KHDRBS2: variants seen among roughly 807,000 people sequenced by gnomAD.
KHDRBS2 encodes the protein KH RNA binding domain containing, signal transduction associated 2.
KHDRBS2 carries 26 observed loss-of-function variants against 44.3 expected under a neutral mutation model. That is an observed-to-expected ratio of 0.59 (90% CI 0.43 to 0.81). KHDRBS2 has a LOEUF of 0.81. KHDRBS2 is among the 40% of genes least tolerant of loss of function. The pLI, the probability that KHDRBS2 is intolerant of heterozygous loss-of-function variation, is 0.00. For missense variants in KHDRBS2, 476 were observed against 433.1 expected, an observed-to-expected ratio of 1.10 and a Z score of -0.88; for synonymous variants, 194 against 151.1, an observed-to-expected ratio of 1.28 and a Z score of -2.08.
chr6:62,282,546 G>A (rs1276526066), intron 1 of KHDRBS2, among the ~76,000 whole-genome samples: 1 of 152,062 alleles, frequency 6.6e-6, no homozygotes, highest in East Asian at 1.9e-4. Context: ...ACAGATCTAT[G>A]TCTGTCAGCA....
chr6:62,035,008 T>A (rs984309793), intron 3 of KHDRBS2, among the ~76,000 whole-genome samples: 1 of 151,958 alleles, frequency 6.6e-6, no homozygotes, highest in East Asian at 1.9e-4. Context: ...AGCAAGGATG[T>A]GGAGAAAAGG....
intron 1 of KHDRBS2, among the ~76,000 whole-genome samples, chr6:62,256,478 G>A (rs1198853153): frequency 2.0e-5 from 3 of 151,890 alleles, no homozygotes; most frequent in Non-Finnish European, 4.4e-5. Context: ...GGTTTTATAA[G>A]GGGGAGCTTC....
Position 61,955,644 on chromosome 6 carries a change from A to G in KHDRBS2, c.483+22422T>C, listed in dbSNP as rs544346515. Among the ~76,000 whole-genome samples the G allele has an allele frequency of 2.8e-3, 410 of 146,110 alleles. 33 individuals are homozygous for G. The highest frequency in any genetic ancestry group is 5.0e-3 in the Non-Finnish European group (332 of 65,960). Reference sequence around the variant, plus strand: ...TATGCATACATGTGTATATACACGTATGTATGTATGCATATATGTGTATAT... The same window carrying G: ...TATGCATACATGTGTATATACACGTGTGTATGTATGCATATATGTGTATAT... On this transcript the variant is annotated intron_variant, in intron 4 of 8. Coordinates refer to ENST00000281156, the MANE Select transcript of KHDRBS2 (RefSeq NM_152688.4).
chr6:62,075,663 A>G (rs1796183849), intron 2 of KHDRBS2, among the ~76,000 whole-genome samples: 1 of 151,884 alleles, frequency 6.6e-6, no homozygotes, highest in Non-Finnish European at 1.5e-5. Flanking sequence ...TAGCTGGCAT[A>G]AGTTTTTTGG....
At chr6:61,561,762 C>A in the KHDRBS2 span, among the ~76,000 whole-genome samples, 27 of 152,172 alleles carry the variant, frequency 1.8e-4, no homozygotes, top group Non-Finnish European at 3.4e-4. Flanking sequence ...CTCTCTGGCC[C>A]AGGATAGGTC....
At chr6:62,123,557 G>A (rs1418186481) in intron 2 of KHDRBS2, among the ~76,000 whole-genome samples, 1 of 152,148 alleles carries the variant, frequency 6.6e-6, no homozygotes, top group Non-Finnish European at 1.5e-5. Flanking sequence ...CCTGCCTACT[G>A]TTTTGTAAAT....
chr6:61,565,058 C>T, the KHDRBS2 span, among the ~76,000 whole-genome samples: 1 of 151,922 alleles, frequency 6.6e-6, no homozygotes, highest in African/African-American at 2.4e-5. Flanking sequence ...CAAGAACACA[C>T]ATTAAGGGAA....
At chr6:62,179,950 T>C (rs1821917419) in intron 1 of KHDRBS2, among the ~76,000 whole-genome samples, 1 of 151,878 alleles carries the variant, frequency 6.6e-6, no homozygotes. Context: ...TACTTGTATT[T>C]GTCAAATGCA....
intron 3 of KHDRBS2, among the ~76,000 whole-genome samples, chr6:61,980,860 G>C: frequency 6.6e-6 from 1 of 152,128 alleles, no homozygotes; most frequent in East Asian, 1.9e-4. Context: ...CCAGCTTATA[G>C]GGACTGCACA....
the KHDRBS2 span, among the ~76,000 whole-genome samples, chr6:61,567,192 C>G: frequency 6.6e-6 from 1 of 152,054 alleles, no homozygotes; most frequent in Non-Finnish European, 1.5e-5. Context: ...AAAGATATTT[C>G]TGGGTTGTGG....
At chr6:61,624,799 G>A in the KHDRBS2 span, among the ~76,000 whole-genome samples, 1 of 152,058 alleles carries the variant, frequency 6.6e-6, no homozygotes, top group African/African-American at 2.4e-5. Flanking sequence ...AGGCTATATG[G>A]ACCCAAGAAC....
the KHDRBS2 span, among the ~76,000 whole-genome samples, chr6:61,650,177 T>G: frequency 6.6e-6 from 1 of 152,154 alleles, no homozygotes; most frequent in Non-Finnish European, 1.5e-5. Context: ...GTTGCTTAAA[T>G]GTCACTTCCT....
intron 2 of KHDRBS2, among the ~76,000 whole-genome samples, chr6:62,101,311 C>A (rs1226843189): frequency 2.0e-5 from 3 of 152,168 alleles, no homozygotes; most frequent in East Asian, 1.9e-4. Flanking sequence ...GTGGATGCTG[C>A]AAACTCAAAG....
the KHDRBS2 span, among the ~76,000 whole-genome samples, chr6:61,674,255 G>A: frequency 6.6e-6 from 1 of 151,716 alleles, no homozygotes; most frequent in Non-Finnish European, 1.5e-5. Context: ...AAGATGTTTT[G>A]TCATATCATT....
intron 1 of KHDRBS2, among the ~76,000 whole-genome samples, chr6:62,228,270 G>A (rs1206428725): frequency 6.6e-6 from 1 of 152,054 alleles, no homozygotes; most frequent in Non-Finnish European, 1.5e-5. Context: ...ATGTGTCCAG[G>A]AATGTATCTA....
chr6:61,885,295 C>T (rs1011972942), intron 6 of KHDRBS2, among the ~76,000 whole-genome samples: 2 of 152,032 alleles, frequency 1.3e-5, no homozygotes, highest in Non-Finnish European at 2.9e-5. Flanking sequence ...TTCTGTTTCA[C>T]AACTCATTGA....
At chr6:61,774,005 A>C (rs1226293729) in intron 6 of KHDRBS2, among the ~76,000 whole-genome samples, 6 of 152,136 alleles carry the variant, frequency 3.9e-5, no homozygotes, top group East Asian at 3.9e-4. Context: ...TGATCTATAT[A>C]TCTGTTTTGG....
intron 4 of KHDRBS2, among the ~76,000 whole-genome samples, chr6:61,960,912 T>C (rs1768546189): frequency 6.6e-6 from 1 of 152,086 alleles, no homozygotes; most frequent in Admixed American, 6.6e-5. Flanking sequence ...GAAGCAGTTA[T>C]TTGAAGACAC....
the KHDRBS2 span, among the ~76,000 whole-genome samples, chr6:61,570,347 A>G: frequency 2.6e-5 from 4 of 152,112 alleles, no homozygotes; most frequent in African/African-American, 4.8e-5. Flanking sequence ...AAGGTTTTTA[A>G]ATTAAGCCAG....
Sources: allele counts gnomAD v4.1 joint callset (sites outside exome capture counted in the v4.1 genomes callset), GRCh38; gene constraint gnomAD v4.1.1; transcripts MANE v1.5; gene names NCBI Gene and HGNC (gene_info 2026-07-23, HGNC 2026-07-21).